Variants in FHIT observed in about 807,000 individuals in gnomAD.
The protein encoded by FHIT is fragile histidine triad diadenosine triphosphatase, also known as bis(5'-adenosyl)-triphosphatase.
A neutral mutation model predicts 17.9 loss-of-function variants in FHIT; 19 were observed. The ratio of observed to expected loss-of-function variants is 1.06; its 90% confidence interval spans 0.74 to 1.56. The LOEUF is 1.56. Ranked by LOEUF, FHIT falls within the 40% of genes most tolerant of loss-of-function variation. The pLI, the probability that FHIT is intolerant of heterozygous loss-of-function variation, is 0.00. For synonymous variants in FHIT, 81 were observed against 69.7 expected, an observed-to-expected ratio of 1.16 and a Z score of -0.81; for missense variants, 248 against 189.2, an observed-to-expected ratio of 1.31 and a Z score of -1.82.
chr3:61,021,285 C>T (rs1159050840), intron 3 of FHIT, among the ~76,000 whole-genome samples: 2 of 152,176 alleles, frequency 1.3e-5, no homozygotes, highest in Non-Finnish European at 2.9e-5. Context: ...GGAAGTAAAA[C>T]ACTCCTCAGC....
intron 2 of FHIT, among the ~76,000 whole-genome samples, chr3:61,150,794 A>G (rs957876931): frequency 6.6e-6 from 1 of 152,060 alleles, no homozygotes; most frequent in African/African-American, 2.4e-5. Flanking sequence ...GGCTTTTGGT[A>G]CCCAGTCTAC....
intron 5 of FHIT, among the ~76,000 whole-genome samples, chr3:60,166,628 C>A (rs1701187563): frequency 1.3e-5 from 2 of 152,110 alleles, no homozygotes; most frequent in Non-Finnish European, 1.5e-5. Flanking sequence ...TGAATCCCAG[C>A]AATCTATCTC....
At chr3:59,801,154 G>C (rs879390324) in intron 8 of FHIT, among the ~76,000 whole-genome samples, 1 of 152,152 alleles carries the variant, frequency 6.6e-6, no homozygotes, top group African/African-American at 2.4e-5. Context: ...CTGTATGCCA[G>C]GCCTGTGCTA....
intron 5 of FHIT, among the ~76,000 whole-genome samples, chr3:60,137,160 G>A (rs1699849172): frequency 6.6e-6 from 1 of 152,140 alleles, no homozygotes; most frequent in African/African-American, 2.4e-5. Flanking sequence ...AGAAAATACT[G>A]AAGCAGCTTT....
At chr3:61,056,600 G>A (rs1419618455) in intron 2 of FHIT, among the ~76,000 whole-genome samples, 3 of 152,120 alleles carry the variant, frequency 2.0e-5, no homozygotes, top group Admixed American at 6.5e-5. Context: ...CTTGAATGAA[G>A]CGAAAGAGTG....
At chr3:59,926,310 T>C (rs867014998) in intron 7 of FHIT, among the ~76,000 whole-genome samples, 19 of 152,304 alleles carry the variant, frequency 1.2e-4, no homozygotes, top group Admixed American at 5.2e-4. Context: ...AAAGTATACA[T>C]TGATTCACTC....
chr3:59,896,587 T>G (rs1704083875), intron 8 of FHIT, among the ~76,000 whole-genome samples: 3 of 152,168 alleles, frequency 2.0e-5, no homozygotes, highest in Admixed American at 2.0e-4. Flanking sequence ...TCCTATATTT[T>G]TAAATCTGTT....
chr3:59,828,397 T>C (rs910667909), intron 8 of FHIT, among the ~76,000 whole-genome samples: 1 of 152,200 alleles, frequency 6.6e-6, no homozygotes, highest in African/African-American at 2.4e-5. Context: ...CAATATAATT[T>C]TGGTTTTCTG....
At chr3:60,755,448 G>C (rs1327464634) in intron 4 of FHIT, among the ~76,000 whole-genome samples, 1 of 152,096 alleles carries the variant, frequency 6.6e-6, no homozygotes, top group African/African-American at 2.4e-5. Context: ...TTCAAATGTT[G>C]GCTCACTTAG....
At chr3:60,351,109 G>C (rs569328741) in intron 5 of FHIT, among the ~76,000 whole-genome samples, 5 of 152,232 alleles carry the variant, frequency 3.3e-5, no homozygotes, top group Admixed American at 3.3e-4. Flanking sequence ...ACCCATGTCT[G>C]AACTTCTGAC....
intron 8 of FHIT, among the ~76,000 whole-genome samples, chr3:59,863,980 A>G (rs1702520380): frequency 6.6e-6 from 1 of 152,202 alleles, no homozygotes; most frequent in Non-Finnish European, 1.5e-5. Context: ...TGGCCAATGA[A>G]GGAAAACAGA....
chr3:60,678,820 C>T (rs1553696079), intron 4 of FHIT, among the ~76,000 whole-genome samples: 1 of 152,096 alleles, frequency 6.6e-6, no homozygotes, highest in African/African-American at 2.4e-5. Flanking sequence ...ATAGCTCTTT[C>T]TTTCTAAGAA....
intron 4 of FHIT, among the ~76,000 whole-genome samples, chr3:60,705,883 G>A (rs1458985311): frequency 6.6e-6 from 1 of 152,098 alleles, no homozygotes; most frequent in Non-Finnish European, 1.5e-5. Flanking sequence ...GTATAATAAA[G>A]GTTGAAAATC....
chr3:60,506,138 A>G (rs1260391662), intron 5 of FHIT, among the ~76,000 whole-genome samples: 1 of 152,190 alleles, frequency 6.6e-6, no homozygotes, highest in African/African-American at 2.4e-5. Flanking sequence ...CAGACAATAT[A>G]ATTGAGCTTT....
At chr3:59,776,308 G>A (rs962087667) in intron 8 of FHIT, among the ~76,000 whole-genome samples, 4 of 152,206 alleles carry the variant, frequency 2.6e-5, no homozygotes, top group Non-Finnish European at 4.4e-5. Context: ...GAGACAGACC[G>A]CTGCTGTTCT....
chr3:59,947,393 ATCT>A (rs967617499), intron 7 of FHIT, among the ~76,000 whole-genome samples: 9 of 151,860 alleles, frequency 5.9e-5, no homozygotes, highest in Non-Finnish European at 1.3e-4. Flanking sequence ...GTTTATTTGA[ATCT>A]TCTTTTTTCC....
At chr3:60,468,651 TGTG>T (rs926995678) in intron 5 of FHIT, among the ~76,000 whole-genome samples, 1 of 152,160 alleles carries the variant, frequency 6.6e-6, no homozygotes, top group African/African-American at 2.4e-5. Flanking sequence ...CTTGAAAAGT[TGTG>T]GTTATTATTT....
Position 60,130,807 on chromosome 3 carries a change from A to G in FHIT, c.104-116655T>C, listed in dbSNP as rs868330099. Among the ~76,000 whole-genome samples the G allele has an allele frequency of 9.1e-4, 89 of 97,320 alleles. 1 individual carries two copies. Among genetic ancestry groups the G allele is most frequent in the South Asian group, 5.1e-3 (15 of 2,918 alleles). 63.8% of individuals were successfully genotyped at this position (97,320 alleles called of 152,430 possible). On this transcript the variant is annotated intron_variant, in intron 5 of 9. Coordinates refer to ENST00000492590, the MANE Select transcript of FHIT (RefSeq NM_002012.4). The stretch of plus-strand genomic sequence containing the variant: ...GTGGTGTGTATATACACACATATAT[A>G]TGTGTGTATGTGTGTATAGGTGTGT...
intron 1 of FHIT, among the ~76,000 whole-genome samples, chr3:61,241,984 C>T (rs1450142074): frequency 6.6e-6 from 1 of 152,120 alleles, no homozygotes; most frequent in Non-Finnish European, 1.5e-5. Flanking sequence ...AAAAGTAAGG[C>T]CACTACATTG....
Sources: gnomAD v4.1 joint callset for allele counts (sites outside exome capture counted in the v4.1 genomes callset) on GRCh38, gnomAD v4.1.1 for gene constraint, MANE v1.5 for transcripts, NCBI Gene and HGNC (gene_info 2026-07-23, HGNC 2026-07-21) for gene names.